Variants in KAZN observed in about 807,000 individuals in gnomAD.
The protein encoded by KAZN is kazrin.
A neutral mutation model predicts 87.4 loss-of-function variants in KAZN; 40 were observed. That is an observed-to-expected ratio of 0.46 (90% CI 0.36 to 0.60). The LOEUF (loss-of-function observed/expected upper bound fraction) is 0.60, where lower values mean the gene tolerates loss of function less well. Ranked by LOEUF, KAZN falls within the 20% of genes least tolerant of loss-of-function variation. The pLI is 0.00. For synonymous variants in KAZN, 466 were observed against 458.3 expected, an observed-to-expected ratio of 1.02 and a Z score of -0.22; for missense variants, 898 against 1,073.9, an observed-to-expected ratio of 0.84 and a Z score of 2.29.
At position 14,786,684 on chromosome 1, in the gene KAZN, G is replaced by T. The variant is rs1163389125; in HGVS notation, c.227-174000G>T. 5.3e-5 allele frequency among the ~76,000 whole-genome samples: 8 copies of T among 152,084 alleles called. No homozygotes were observed. The South Asian group carries it at 1.7e-3, about 32-fold the overall frequency. ...TCTCTTTCCCGACTCACTGAATCAG[G>T]ATAAAGAAAAAAAATACCTTTGTAT... On this transcript the variant is annotated intron_variant, in intron 1 of 14. Transcript: ENST00000376030.
intron 2 of KAZN, among the ~76,000 whole-genome samples, chr1:14,251,602 A>C (rs1650034616): frequency 6.8e-6 from 1 of 146,744 alleles, no homozygotes; most frequent in South Asian, 2.2e-4. Context: ...TCACTGGGGT[A>C]GGTCCAGAAA....
chr1:13,927,247 A>G (rs903812669), intron 1 of KAZN, among the ~76,000 whole-genome samples: 9 of 152,182 alleles, frequency 5.9e-5, no homozygotes, highest in Non-Finnish European at 1.2e-4. Context: ...ACCTGGTCCT[A>G]GTGCAGTTGG....
chr1:15,000,834 TG>T (rs1668390877), intron 2 of KAZN, among the ~76,000 whole-genome samples: 2 of 152,154 alleles, frequency 1.3e-5, no homozygotes, highest in Non-Finnish European at 2.9e-5. Flanking sequence ...CCGGGTGCAG[TG>T]GCTCACGCCT....
chr1:15,070,917 T>A (rs1639476544), intron 8 of KAZN, among the ~76,000 whole-genome samples: 1 of 152,322 alleles, frequency 6.6e-6, no homozygotes, highest in South Asian at 2.1e-4. Context: ...CCCAGATGGC[T>A]CCTAGGCTTT....
intron 1 of KAZN, among the ~76,000 whole-genome samples, chr1:14,693,110 T>C (rs542675084): frequency 7.2e-5 from 11 of 152,314 alleles, no homozygotes; most frequent in African/African-American, 2.6e-4. Context: ...TCCATGTTGA[T>C]TTGTTAAGTA....
At chr1:14,664,113 A>G (rs1006887022) in intron 1 of KAZN, among the ~76,000 whole-genome samples, 2 of 152,254 alleles carry the variant, frequency 1.3e-5, no homozygotes, top group Admixed American at 6.5e-5. Context: ...AGGTAGTTAG[A>G]GTAGTCAGAT....
intron 1 of KAZN, among the ~76,000 whole-genome samples, chr1:13,984,908 G>A (rs60558710): frequency 0.046 from 6,956 of 151,962 alleles, 534 homozygotes; most frequent in African/African-American, 0.16. Context: ...TCAATTTTAG[G>A]ATTTTTTTTT....
chr1:14,069,014 G>A (rs1331666551), intron 1 of KAZN, among the ~76,000 whole-genome samples: 1 of 152,140 alleles, frequency 6.6e-6, no homozygotes, highest in East Asian at 1.9e-4. Context: ...GGCCAGGCTG[G>A]TCTCGAACTC....
At chr1:14,609,061 G>A (rs1677602133) in intron 1 of KAZN, among the ~76,000 whole-genome samples, 1 of 152,204 alleles carries the variant, frequency 6.6e-6, no homozygotes, top group Non-Finnish European at 1.5e-5. Flanking sequence ...TGGGACCATA[G>A]AGCGTGACAA....
intron 1 of KAZN, among the ~76,000 whole-genome samples, chr1:14,831,226 G>A (rs1647039413): frequency 6.6e-6 from 1 of 152,208 alleles, no homozygotes; most frequent in Admixed American, 6.5e-5. Context: ...TTCAGGTACA[G>A]CTGGATCCAG....
intron 7 of KAZN, among the ~76,000 whole-genome samples, chr1:15,065,366 C>G (rs1017524327): frequency 6.6e-6 from 1 of 152,170 alleles, no homozygotes; most frequent in Non-Finnish European, 1.5e-5. Flanking sequence ...GCAACATCCT[C>G]GTGGCAATCT....
chr1:14,805,404 G>A (rs569469397), intron 1 of KAZN, among the ~76,000 whole-genome samples: 18 of 152,270 alleles, frequency 1.2e-4, no homozygotes, highest in South Asian at 4.2e-4. Context: ...TCCACCAGTC[G>A]TTTTCCATTG....
chr1:13,934,667 T>C (rs1185577089), intron 1 of KAZN, among the ~76,000 whole-genome samples: 1 of 152,200 alleles, frequency 6.6e-6, no homozygotes, highest in African/African-American at 2.4e-5. Context: ...TTTCTCTTTC[T>C]CTCTGCCTGT....
At chr1:14,369,061 G>A (rs1571418009) in intron 2 of KAZN, among the ~76,000 whole-genome samples, 1 of 152,194 alleles carries the variant, frequency 6.6e-6, no homozygotes, top group African/African-American at 2.4e-5. Context: ...ACTTTCATTA[G>A]CTCACTAGCA....
Position 13,908,696 on chromosome 1 carries a change from C to T in KAZN, c.91+14940C>T, listed in dbSNP as rs75744942. Among the ~76,000 whole-genome samples the T allele has an allele frequency of 3.3e-3, 503 of 152,290 alleles. 3 individuals carry two copies. The Middle Eastern group carries it at 0.041, about 12-fold the overall frequency. On this transcript the variant is annotated intron_variant, in intron 1 of 16. Transcript: ENST00000636203. ...AGAACCCTTTGCCATTATCTTGTCC[C>T]TTGGTAAACTAAAGCATGGTGGGGC...
intron 2 of KAZN, among the ~76,000 whole-genome samples, chr1:14,384,106 G>A (rs1661641193): frequency 1.3e-5 from 2 of 150,758 alleles, no homozygotes; most frequent in Admixed American, 6.6e-5. Context: ...TCATGATTTG[G>A]CTCTCTGTTT....
intron 1 of KAZN, among the ~76,000 whole-genome samples, chr1:14,932,641 G>T (rs1659978277): frequency 6.6e-6 from 1 of 152,084 alleles, no homozygotes; most frequent in Non-Finnish European, 1.5e-5. Flanking sequence ...GTCTTAGCTT[G>T]GGAAGCCTGA....
At chr1:14,564,390 T>A (rs1254696499) in intron 2 of KAZN, among the ~76,000 whole-genome samples, 1 of 152,122 alleles carries the variant, frequency 6.6e-6, no homozygotes, top group Non-Finnish European at 1.5e-5. Context: ...CACCACTCAA[T>A]AAGTGGGCAG....
intron 1 of KAZN, among the ~76,000 whole-genome samples, chr1:14,716,052 G>A (rs939087385): frequency 7.9e-5 from 12 of 152,224 alleles, no homozygotes; most frequent in African/African-American, 2.9e-4. Flanking sequence ...TTCATCAGAA[G>A]TGTTTTAAGA....
Sources: gnomAD v4.1 joint callset for allele counts (sites outside exome capture counted in the v4.1 genomes callset) on GRCh38, gnomAD v4.1.1 for gene constraint, MANE v1.5 for transcripts, NCBI Gene and HGNC (gene_info 2026-07-23, HGNC 2026-07-21) for gene names.